The following HACD2 variants were observed in gnomAD, a reference collection of about 807,000 sequenced individuals.
HACD2 encodes the protein 3-hydroxyacyl-CoA dehydratase 2.
HACD2 carries 15 observed loss-of-function variants against 31.0 expected under a neutral mutation model. The observed-to-expected ratio is 0.48, with a 90% confidence interval of 0.32 to 0.75. HACD2 has a LOEUF of 0.75. HACD2 is among the 30% of genes least tolerant of loss of function. The pLI, the probability that HACD2 is intolerant of heterozygous loss-of-function variation, is 0.03. For missense variants in HACD2, 283 were observed against 313.0 expected, an observed-to-expected ratio of 0.90 and a Z score of 0.72; for synonymous variants, 115 against 122.2, an observed-to-expected ratio of 0.94 and a Z score of 0.39.
chr3:123,518,485 C>A (rs1237392796), intron 4 of HACD2, among the ~76,000 whole-genome samples: 6 of 152,160 alleles, frequency 3.9e-5, no homozygotes, highest in Non-Finnish European at 2.9e-5. Context: ...AAATGTCATG[C>A]AACATATTTG....
intron 4 of HACD2, among the ~76,000 whole-genome samples, chr3:123,523,024 G>A (rs566589721): frequency 2.0e-5 from 3 of 152,250 alleles, no homozygotes; most frequent in Admixed American, 6.5e-5. Flanking sequence ...CACGGATGGC[G>A]CATGCTGGGA....
intron 3 of HACD2, among the ~76,000 whole-genome samples, chr3:123,547,341 G>C (rs2056571852): frequency 2.0e-5 from 3 of 152,186 alleles, no homozygotes; most frequent in African/African-American, 7.2e-5. Context: ...TAAAGAGCTA[G>C]GACATATGTA....
intron 2 of HACD2, among the ~76,000 whole-genome samples, chr3:123,568,424 G>T (rs142420123): frequency 8.5e-5 from 13 of 152,176 alleles, no homozygotes; most frequent in Non-Finnish European, 1.5e-4. Flanking sequence ...CATTCCGCCC[G>T]TTATCCCTCT....
At chr3:123,577,999 A>G (rs1479349526) in intron 2 of HACD2, among the ~76,000 whole-genome samples, 2 of 152,098 alleles carry the variant, frequency 1.3e-5, no homozygotes, top group Non-Finnish European at 2.9e-5. Context: ...CATCACCTTA[A>G]AAGGAAATCC....
At chr3:123,560,571 A>G (rs2056717368) in intron 3 of HACD2, among the ~76,000 whole-genome samples, 1 of 152,190 alleles carries the variant, frequency 6.6e-6, no homozygotes, top group Admixed American at 6.5e-5. Context: ...GCTCCCAGGC[A>G]GAAAGCAATA....
intron 2 of HACD2, among the ~76,000 whole-genome samples, chr3:123,573,367 G>A (rs1303340107): frequency 6.6e-6 from 1 of 152,074 alleles, no homozygotes; most frequent in African/African-American, 2.4e-5. Context: ...GTTTCTATAA[G>A]GATGGATTTC....
intron 2 of HACD2, among the ~76,000 whole-genome samples, chr3:123,577,252 C>T (rs1233369966): frequency 1.3e-5 from 2 of 152,160 alleles, no homozygotes; most frequent in African/African-American, 2.4e-5. Flanking sequence ...CAACAGTTAA[C>T]CTCTTTGCAG....
At chr3:123,558,032 G>T (rs1361887545) in intron 3 of HACD2, among the ~76,000 whole-genome samples, 3 of 152,234 alleles carry the variant, frequency 2.0e-5, no homozygotes, top group African/African-American at 7.2e-5. Context: ...CAACCAAGAT[G>T]TACTTTACTA....
chr3:123,569,874 G>A (rs1219919987), intron 2 of HACD2, among the ~76,000 whole-genome samples: 3 of 151,414 alleles, frequency 2.0e-5, no homozygotes, highest in African/African-American at 7.3e-5. Flanking sequence ...CTGTAGTCTC[G>A]GCTACTCAGA....
chr3:123,501,714 G>A (rs56087302), intron 5 of HACD2, among the ~76,000 whole-genome samples: 19,453 of 152,198 alleles, frequency 0.13, 1,692 homozygotes, highest in East Asian at 0.28. Context: ...GGCTGTCCAG[G>A]TTGGTTAGTA....
intron 3 of HACD2, among the ~76,000 whole-genome samples, chr3:123,533,739 C>G (rs1031416935): frequency 3.9e-5 from 6 of 152,140 alleles, no homozygotes; most frequent in African/African-American, 1.4e-4. Flanking sequence ...ACTGGGGATG[C>G]AAAGGGAAGA....
In HACD2 at chr3:123,503,447, C is replaced by G. The variant is rs139486836; in HGVS notation, c.382-766G>C. ...ATTAGGGAAGCTTCCATGCTGTTCC[C>G]AGGAGGCAGTTAGAGCCAGAGAGCT... On this transcript the variant is annotated intron_variant, in intron 4 of 6. Coordinates refer to ENST00000383657, the MANE Select transcript of HACD2 (RefSeq NM_198402.5). Among the ~76,000 whole-genome samples, 798 of 152,078 alleles carry G rather than the reference C, an allele frequency of 5.2e-3. 8 individuals carry two copies. Among genetic ancestry groups the G allele is most frequent in the African/African-American group, 0.019 (773 of 41,482 alleles).
chr3:123,521,685 G>A (rs549284843), intron 4 of HACD2, among the ~76,000 whole-genome samples: 10 of 151,814 alleles, frequency 6.6e-5, no homozygotes, highest in African/African-American at 2.4e-4. Flanking sequence ...GGTGCAGGGT[G>A]CAGTGGAGGT....
rs2055810416 is a variant in HACD2, at chr3:123,494,631, G to A, written c.*257C>T. 1 of 490,842 alleles carries A rather than the reference G, an allele frequency of 2.0e-6. No individual in the cohort carries two copies. Among genetic ancestry groups the A allele is most frequent in the Admixed American group, 3.8e-5 (1 of 25,996 alleles). 30.4% of individuals were successfully genotyped at this position (490,842 alleles called of 1,614,324 possible). A position where few individuals can be genotyped will look rare whatever the true frequency, so the allele number is the denominator to read the frequency against. On this transcript the variant is annotated 3_prime_UTR_variant, in exon 7 of 7. Coordinates refer to ENST00000383657, the MANE Select transcript of HACD2 (RefSeq NM_198402.5). ...ACATAAAATGCCAAATCCCTTTCTA[G>A]TGCCATCATAAATATTAAGAACTTC...
At chr3:123,576,488 A>G (rs932814723) in intron 2 of HACD2, among the ~76,000 whole-genome samples, 1 of 151,832 alleles carries the variant, frequency 6.6e-6, no homozygotes, top group Non-Finnish European at 1.5e-5. Flanking sequence ...TTTTTCTGGG[A>G]TTTGTTGTCA....
At chr3:123,570,967 TATGAA>T (rs1436616181) in intron 2 of HACD2, among the ~76,000 whole-genome samples, 1 of 130,682 alleles carries the variant, frequency 7.7e-6, no homozygotes, top group African/African-American at 3.2e-5. Context: ...CAGGCAATAA[TATGAA>T]ATATTAGTCT....
At chr3:123,550,391 C>T (rs762632548) in intron 3 of HACD2, among the ~76,000 whole-genome samples, 16 of 151,648 alleles carry the variant, frequency 1.1e-4, no homozygotes, top group African/African-American at 1.9e-4. Flanking sequence ...AGCAATGAAG[C>T]GGCTAGAAAA....
rs199773609 is a variant in HACD2, at chr3:123,567,794, G to A, written c.274-14C>T. 1.2e-4 allele frequency: 179 copies of A among 1,481,612 alleles called. No individual in the cohort carries two copies. Among genetic ancestry groups the A allele is most frequent in the African/African-American group, 1.2e-3 (83 of 69,786 alleles). The allele number at this position is 1,481,612 out of a possible 1,614,324, so 91.8% of individuals were successfully genotyped here. A position where few individuals can be genotyped will look rare whatever the true frequency, so the allele number is the denominator to read the frequency against. On this transcript the variant is annotated splice_polypyrimidine_tract_variant and intron_variant, in intron 2 of 6. Transcript: ENST00000383657. ...ACAATGTAAAATCTAGAGGAAAAAA[G>A]GGGAAAAAAGAGGAGAATTAGTAAG...
chr3:123,571,678 C>A (rs2056857143), intron 2 of HACD2, among the ~76,000 whole-genome samples: 1 of 152,102 alleles, frequency 6.6e-6, no homozygotes, highest in African/African-American at 2.4e-5. Context: ...AAGAAATCAG[C>A]CAGCTTGGCT....
Sources: allele counts gnomAD v4.1 joint callset (sites outside exome capture counted in the v4.1 genomes callset), GRCh38; gene constraint gnomAD v4.1.1; transcripts MANE v1.5; gene names NCBI Gene and HGNC (gene_info 2026-07-23, HGNC 2026-07-21).